The following CEP83 variants were observed in gnomAD, a reference collection of about 807,000 sequenced individuals.
CEP83 encodes centrosomal protein of 83 kDa.
CEP83 carries 70 observed loss-of-function variants against 101.9 expected under a neutral mutation model. That is an observed-to-expected ratio of 0.69 (90% CI 0.57 to 0.84). The LOEUF is 0.84. Among genes scored for constraint, CEP83 ranks in the 40% least tolerant of loss-of-function variants. The pLI is 0.00. For synonymous variants in CEP83, 264 were observed against 267.9 expected, an observed-to-expected ratio of 0.99 and a Z score of 0.14; for missense variants, 715 against 787.2, an observed-to-expected ratio of 0.91 and a Z score of 1.10.
Position 94,333,634 on chromosome 12 carries a change from G to T in CEP83, c.1425C>A (p.Ile475=). 1 of 1,611,016 alleles carries T rather than the reference G, an allele frequency of 6.2e-7. No individual in the cohort carries two copies. Among genetic ancestry groups the T allele is most frequent in the African/African-American group, 1.3e-5 (1 of 74,828 alleles). Residue 475 remains isoleucine, a synonymous_variant, in exon 13 of 17, where the codon ATC becomes ATA. Coordinates refer to ENST00000397809, the MANE Select transcript of CEP83 (RefSeq NM_016122.3). Reference sequence around the variant, plus strand: ...AAGTCACTTGGATCTGCAAACTACTGATTTGCTTAAAAGAGAAGAAAGAAG... The same window carrying T: ...AAGTCACTTGGATCTGCAAACTACTTATTTGCTTAAAAGAGAAGAAAGAAG... ...KNENSDLKQQ[I]SSLQIQVTSL... is the part of the protein sequence containing the mutation.
At chr12:94,449,779 TAAAAAAAAAAA>T (rs71071787) in intron 1 of CEP83, among the ~76,000 whole-genome samples, 47 of 48,566 alleles carry the variant, frequency 9.7e-4, no homozygotes, top group African/African-American at 3.3e-3. Context: ...TCTCAAACAA[TAAAAAAAAAAA>T]AAAAAAAAAA....
intron 4 of CEP83, among the ~76,000 whole-genome samples, chr12:94,411,266 A>G (rs1455174127): frequency 1.3e-5 from 2 of 152,210 alleles, no homozygotes; most frequent in African/African-American, 4.8e-5. Context: ...TACAATGTAC[A>G]CATAAATTAT....
chr12:94,281,237 C>T, the CEP83 span, among the ~76,000 whole-genome samples: 16 of 152,258 alleles, frequency 1.1e-4, 1 homozygote, highest in South Asian at 3.3e-3. Context: ...CCAGATTGCG[C>T]CACTGTACTC....
intron 2 of CEP83, among the ~76,000 whole-genome samples, chr12:94,415,770 T>G (rs1383695588): frequency 1.3e-5 from 2 of 152,106 alleles, no homozygotes; most frequent in Non-Finnish European, 2.9e-5. Context: ...ACCACTATTC[T>G]TGGTAACTAA....
At chr12:94,439,465 C>T (rs2066236796) in intron 1 of CEP83, among the ~76,000 whole-genome samples, 1 of 151,820 alleles carries the variant, frequency 6.6e-6, no homozygotes, top group African/African-American at 2.4e-5. Context: ...ATACAACCCT[C>T]CTAGATTAAA....
At chr12:94,410,989 T>C (rs1371483686) in intron 4 of CEP83, among the ~76,000 whole-genome samples, 1 of 152,192 alleles carries the variant, frequency 6.6e-6, no homozygotes, top group Non-Finnish European at 1.5e-5. Context: ...GACTCTAATA[T>C]TAATAATACC....
chr12:94,438,069 A>ATGCCTGGGT (rs2066125024), intron 1 of CEP83, among the ~76,000 whole-genome samples: 1 of 152,110 alleles, frequency 6.6e-6, no homozygotes, highest in East Asian at 1.9e-4. Context: ...ATACAAAAAA[A>ATGCCTGGGT]TTACCCAGGC....
At chr12:94,448,664 T>C (rs2066985200) in intron 1 of CEP83, among the ~76,000 whole-genome samples, 1 of 152,124 alleles carries the variant, frequency 6.6e-6, no homozygotes, top group South Asian at 2.1e-4. Context: ...TTTTAAAACA[T>C]ACCTCTAAAT....
chr12:94,358,925 T>C (rs1189206824), intron 11 of CEP83, among the ~76,000 whole-genome samples: 1 of 152,206 alleles, frequency 6.6e-6, no homozygotes, highest in Non-Finnish European at 1.5e-5. Flanking sequence ...AAGTCCAAGC[T>C]GGAAGGTTGT....
intron 11 of CEP83, among the ~76,000 whole-genome samples, chr12:94,341,168 A>T (rs905994307): frequency 6.6e-6 from 1 of 152,184 alleles, no homozygotes; most frequent in Non-Finnish European, 1.5e-5. Context: ...TATAAAAATA[A>T]TTTTTATTAC....
chr12:94,331,097 G>C (rs965034811), intron 14 of CEP83, among the ~76,000 whole-genome samples: 4 of 151,736 alleles, frequency 2.6e-5, no homozygotes, highest in Admixed American at 1.3e-4. Flanking sequence ...TTTGAGACCA[G>C]TCTGGCAAAC....
At chr12:94,440,250 C>T (rs772812089) in intron 1 of CEP83, among the ~76,000 whole-genome samples, 3 of 152,138 alleles carry the variant, frequency 2.0e-5, no homozygotes, top group Non-Finnish European at 2.9e-5. Flanking sequence ...CAAAGTGTTG[C>T]AGTTTGCTGA....
At chr12:94,413,241 T>G (rs1226376505) in intron 2 of CEP83, among the ~76,000 whole-genome samples, 1 of 152,224 alleles carries the variant, frequency 6.6e-6, no homozygotes, top group Non-Finnish European at 1.5e-5. Context: ...GAATCACACC[T>G]TGAACAATTT....
chr12:94,268,795 G>A, the CEP83 span, among the ~76,000 whole-genome samples: 5 of 151,794 alleles, frequency 3.3e-5, no homozygotes, highest in Admixed American at 6.6e-5. Flanking sequence ...GGTTTTCGCC[G>A]TGTTGGCTAG....
chr12:94,305,144 C>T (rs186429860), downstream of CEP83: 8 of 1,388,424 alleles, frequency 5.8e-6, no homozygotes, highest in East Asian at 1.2e-4. Flanking sequence ...AACGCTAAAA[C>T]CACAATATCT....
chr12:94,392,098 A>G (rs2062581409), intron 6 of CEP83, among the ~76,000 whole-genome samples: 1 of 152,234 alleles, frequency 6.6e-6, no homozygotes, highest in Non-Finnish European at 1.5e-5. Context: ...GAAGGTTAAC[A>G]AAGATATACA....
chr12:94,344,619 CA>C (rs1195180739), intron 11 of CEP83, among the ~76,000 whole-genome samples: 1 of 151,864 alleles, frequency 6.6e-6, no homozygotes, highest in Non-Finnish European at 1.5e-5. Flanking sequence ...AAAATTGAAT[CA>C]AAGATGAACA....
chr12:94,400,726 A>C, intron 6 of CEP83, 124 bp downstream of exon 6: 1 of 449,976 alleles, frequency 2.2e-6, no homozygotes, highest in Non-Finnish European at 3.4e-6. Context: ...ATCATGATGA[A>C]TACTCCACCA....
At chr12:94,337,266 G>A (rs1007749037) in intron 11 of CEP83, among the ~76,000 whole-genome samples, 1 of 152,096 alleles carries the variant, frequency 6.6e-6, no homozygotes, top group Non-Finnish European at 1.5e-5. Context: ...ATGAAAGGAT[G>A]GGGAAAACAA....
Sources: gnomAD v4.1 joint callset for allele counts (sites outside exome capture counted in the v4.1 genomes callset) on GRCh38, gnomAD v4.1.1 for gene constraint, MANE v1.5 for transcripts, NCBI Gene and HGNC (gene_info 2026-07-23, HGNC 2026-07-21) for gene names.